The following PRDM11 variants were observed in gnomAD, a reference collection of about 807,000 sequenced individuals.
PRDM11 encodes PR/SET domain 11.
In PRDM11, 20 loss-of-function variants were observed where a neutral mutation model predicts 97.8. That is an observed-to-expected ratio of 0.20 (90% CI 0.14 to 0.30). The LOEUF is 0.30. Among genes scored for constraint, PRDM11 ranks in the 10% least tolerant of loss-of-function variants. The pLI is 1.00. For synonymous variants in PRDM11, 599 were observed against 637.7 expected (o/e 0.94, Z 0.91); for missense variants, 1,139 against 1,555.2 (o/e 0.73, Z 4.50).
chr11:45,183,698 G>A (rs182810768), intron 4 of PRDM11, among the ~76,000 whole-genome samples: 2 of 152,202 alleles, frequency 1.3e-5, no homozygotes, highest in African/African-American at 2.4e-5. Context: ...GTTTTCAAGG[G>A]TATGAGGAGG....
chr11:45,178,571 G>A (rs1487171791), intron 1 of PRDM11, among the ~76,000 whole-genome samples: 10 of 152,186 alleles, frequency 6.6e-5, no homozygotes, highest in Non-Finnish European at 5.9e-5. Flanking sequence ...TCCTGCTGAC[G>A]TCTCTTTCAG....
intron 1 of PRDM11, among the ~76,000 whole-genome samples, chr11:45,109,525 G>A (rs182435785): frequency 7.2e-5 from 11 of 152,250 alleles, no homozygotes; most frequent in Admixed American, 6.5e-4. Flanking sequence ...GAGACCACTC[G>A]GAGGAGCCCT....
intron 1 of PRDM11, among the ~76,000 whole-genome samples, chr11:45,175,484 T>C (rs1467503657): frequency 6.6e-6 from 1 of 152,266 alleles, no homozygotes; most frequent in Non-Finnish European, 1.5e-5. Flanking sequence ...TAAATATTCC[T>C]CTACAGCATT....
At chr11:45,106,698 A>G (rs1852067168) in intron 1 of PRDM11, among the ~76,000 whole-genome samples, 1 of 152,186 alleles carries the variant, frequency 6.6e-6, no homozygotes, top group Non-Finnish European at 1.5e-5. Flanking sequence ...CACCTGGGAC[A>G]CTGACCCATC....
At chr11:45,204,997 G>C (rs944279343) in intron 5 of PRDM11, among the ~76,000 whole-genome samples, 2 of 152,196 alleles carry the variant, frequency 1.3e-5, no homozygotes, top group Non-Finnish European at 2.9e-5. Context: ...TGGGATGCAG[G>C]GACCGCTCGG....
At chr11:45,194,590 C>T (rs200584746) in intron 4 of PRDM11, among the ~76,000 whole-genome samples, 14 of 89,932 alleles carry the variant, frequency 1.6e-4, no homozygotes, top group Non-Finnish European at 2.2e-4. Context: ...TTATTATCTT[C>T]TGTTTTTTTT....
In PRDM11 at chr11:45,230,529, C is replaced by G. The variant is rs931083736; in HGVS notation, c.*2370C>G. 17 of 152,320 alleles carry G rather than the reference C, an allele frequency of 1.1e-4. No homozygotes were observed. Among genetic ancestry groups the G allele is most frequent in the African/African-American group, 4.1e-4 (17 of 41,470 alleles). 9.4% of individuals were successfully genotyped at this position (152,320 alleles called of 1,614,324 possible). On this transcript the variant is annotated 3_prime_UTR_variant, in exon 8 of 8. Coordinates refer to ENST00000683152, the MANE Select transcript of PRDM11 (RefSeq NM_001384648.1). ...GCTGTTGCAAAGCACCAGGTCCCACCTGGCCCAGCCCCAGCCTTGGGACTT... is the reference window on the plus strand; with the variant it reads ...GCTGTTGCAAAGCACCAGGTCCCACGTGGCCCAGCCCCAGCCTTGGGACTT...
At chr11:45,153,816 A>G (rs1310018991) in intron 1 of PRDM11, among the ~76,000 whole-genome samples, 1 of 152,186 alleles carries the variant, frequency 6.6e-6, no homozygotes, top group Non-Finnish European at 1.5e-5. Context: ...CTGGGGCAGT[A>G]AACACCTAGA....
chr11:45,170,752 G>A (rs980832100), intron 1 of PRDM11, among the ~76,000 whole-genome samples: 1 of 152,208 alleles, frequency 6.6e-6, no homozygotes, highest in African/African-American at 2.4e-5. Flanking sequence ...TGTGGGTGGG[G>A]AATGGACAGT....
Position 45,226,080 on chromosome 11 carries a change from T to C in PRDM11, c.1455T>C (p.Asp485=). 2 of 1,530,948 alleles carry C rather than the reference T, an allele frequency of 1.3e-6. No individual in the cohort carries two copies. Among genetic ancestry groups the C allele is most frequent in the African/African-American group, 1.4e-5 (1 of 73,048 alleles). 94.8% of individuals were successfully genotyped at this position (1,530,948 alleles called of 1,614,324 possible). A position where few individuals can be genotyped will look rare whatever the true frequency, so the allele number is the denominator to read the frequency against. Residue 485 remains aspartate, a synonymous_variant, in exon 8 of 8, where the codon GAT becomes GAC. Transcript: ENST00000683152. ...CAGCAGATGAATCTGTCTCCAATGA[T>C]ATGATGACAGCGACGGATGAGCCCT... ...VDSADESVSN[D]MMTATDEPSK...
At chr11:45,196,858 G>A (rs1853140243) in intron 4 of PRDM11, among the ~76,000 whole-genome samples, 1 of 152,218 alleles carries the variant, frequency 6.6e-6, no homozygotes, top group Non-Finnish European at 1.5e-5. Flanking sequence ...CCACCTGCGA[G>A]AAATGTGTCT....
chr11:45,111,357 C>G (rs1852175080), intron 1 of PRDM11, among the ~76,000 whole-genome samples: 9 of 147,312 alleles, frequency 6.1e-5, no homozygotes, highest in Admixed American at 2.7e-4. Context: ...TTCCACCCAA[C>G]ATTGCTTCGG....
At chr11:45,157,900 G>C (rs1851840159) in intron 1 of PRDM11, among the ~76,000 whole-genome samples, 1 of 152,200 alleles carries the variant, frequency 6.6e-6, no homozygotes, top group Non-Finnish European at 1.5e-5. Flanking sequence ...CAGAAGGGAG[G>C]GCTGAAGTTT....
At chr11:45,097,670 T>A (rs558687548) in intron 1 of PRDM11, among the ~76,000 whole-genome samples, 52 of 152,406 alleles carry the variant, frequency 3.4e-4, no homozygotes, top group Non-Finnish European at 6.0e-4. Context: ...TAGCTTGTCC[T>A]TGAGGACGGA....
chr11:45,151,268 G>A (rs1317102496), intron 1 of PRDM11, among the ~76,000 whole-genome samples: 1 of 152,254 alleles, frequency 6.6e-6, no homozygotes, highest in African/African-American at 2.4e-5. Context: ...TGTTCTCAGA[G>A]TGAGGCCTGG....
At chr11:45,177,123 C>T (rs1274229063) in intron 1 of PRDM11, among the ~76,000 whole-genome samples, 1 of 152,208 alleles carries the variant, frequency 6.6e-6, no homozygotes, top group Non-Finnish European at 1.5e-5. Flanking sequence ...ACCAAGTGGG[C>T]ACAGATCCCC....
At chr11:45,104,824 A>G (rs960344560) in intron 1 of PRDM11, among the ~76,000 whole-genome samples, 1 of 152,142 alleles carries the variant, frequency 6.6e-6, no homozygotes, top group Non-Finnish European at 1.5e-5. Context: ...GGGGACCCAG[A>G]GTTGGGTTCT....
intron 1 of PRDM11, among the ~76,000 whole-genome samples, chr11:45,126,956 T>C (rs1428957070): frequency 6.6e-6 from 1 of 152,196 alleles, no homozygotes; most frequent in African/African-American, 2.4e-5. Flanking sequence ...CCATTCTCCC[T>C]GTCACTTTCA....
intron 6 of PRDM11, among the ~76,000 whole-genome samples, chr11:45,223,585 T>C (rs1325220182): frequency 1.3e-5 from 2 of 152,240 alleles, no homozygotes; most frequent in East Asian, 3.9e-4. Flanking sequence ...CCCTTTCTTC[T>C]GCCCTTAGTC....
Sources: allele counts gnomAD v4.1 joint callset (sites outside exome capture counted in the v4.1 genomes callset), GRCh38; gene constraint gnomAD v4.1.1; transcripts MANE v1.5; gene names NCBI Gene and HGNC (gene_info 2026-07-23, HGNC 2026-07-21).